Variants in EAF2 observed in about 807,000 individuals in gnomAD.
EAF2 encodes ELL-associated factor 2.
EAF2 carries 29 observed loss-of-function variants against 29.4 expected under a neutral mutation model. That is an observed-to-expected ratio of 0.99 (90% confidence interval 0.73 to 1.35). EAF2 has a LOEUF of 1.35. EAF2 is among the 40% of genes most tolerant of loss of function. EAF2 has a pLI of 0.00. For missense variants in EAF2, 292 were observed against 312.0 expected (o/e 0.94, Z 0.48); for synonymous variants, 103 against 102.5 (o/e 1.00, Z -0.03).
intron 2 of EAF2, among the ~76,000 whole-genome samples, chr3:121,848,203 GTA>G (rs960673488): frequency 2.6e-5 from 4 of 152,130 alleles, no homozygotes; most frequent in Non-Finnish European, 5.9e-5. Context: ...TCTGAGCAGT[GTA>G]TGTCAGGACT....
At chr3:121,883,269 C>A (rs557723969) in intron 5 of EAF2, among the ~76,000 whole-genome samples, 1 of 152,062 alleles carries the variant, frequency 6.6e-6, no homozygotes, top group African/African-American at 2.4e-5. Context: ...TAAAAAATTG[C>A]GTCTACAGCT....
intron 5 of EAF2, among the ~76,000 whole-genome samples, chr3:121,875,509 G>T (rs1709080755): frequency 6.6e-6 from 1 of 151,874 alleles, no homozygotes; most frequent in Non-Finnish European, 1.5e-5. Context: ...TGAGGATAGA[G>T]AAAAACAGAA....
intron 1 of EAF2, among the ~76,000 whole-genome samples, chr3:121,841,923 T>G (rs1708441671): frequency 6.6e-6 from 1 of 151,970 alleles, no homozygotes; most frequent in Non-Finnish European, 1.5e-5. Context: ...GAAGAATCGC[T>G]TGAACCCGGG....
chr3:121,882,232 C>T (rs569794925), intron 5 of EAF2, among the ~76,000 whole-genome samples: 3 of 151,876 alleles, frequency 2.0e-5, no homozygotes, highest in African/African-American at 7.2e-5. Flanking sequence ...ACCCATAATC[C>T]CAGCTACTCA....
intron 5 of EAF2, among the ~76,000 whole-genome samples, chr3:121,881,792 T>G (rs565674199): frequency 6.6e-6 from 1 of 152,154 alleles, no homozygotes; most frequent in Non-Finnish European, 1.5e-5. Flanking sequence ...ATTGCAGGTG[T>G]GAGCCAATGC....
chr3:121,874,303 G>A (rs1709062524), intron 5 of EAF2, among the ~76,000 whole-genome samples: 1 of 151,752 alleles, frequency 6.6e-6, no homozygotes, highest in Non-Finnish European at 1.5e-5. Context: ...GGGTTAATTA[G>A]GGACCAGCAA....
chr3:121,842,793 C>T (rs1381136881), intron 1 of EAF2, among the ~76,000 whole-genome samples: 1 of 152,132 alleles, frequency 6.6e-6, no homozygotes, highest in Non-Finnish European at 1.5e-5. Flanking sequence ...AAACTTATTT[C>T]CCTCAGTCCA....
chr3:121,856,619 C>T (rs952325767), intron 3 of EAF2, among the ~76,000 whole-genome samples: 10 of 152,140 alleles, frequency 6.6e-5, no homozygotes, highest in Non-Finnish European at 1.5e-4. Context: ...GCTGAGATTA[C>T]AGGTGTGCAT....
At position 121,853,269 on chromosome 3, in the gene EAF2, G is replaced by GT. The variant is rs147900099; in HGVS notation, c.202-1417dup. On this transcript the variant is annotated intron_variant, in intron 2 of 5. Coordinates refer to ENST00000273668, the MANE Select transcript of EAF2 (RefSeq NM_018456.6). ...ATACTTCGTCCATAGTCACAATTTT[G>GT]TGATGATCTCAAAAACGTGTTTTTT... Among the ~76,000 whole-genome samples the GT allele has an allele frequency of 8.6e-3, 1,316 of 152,198 alleles. 15 individuals are homozygous for GT. The highest frequency in any genetic ancestry group is 0.025 in the African/African-American group (1,019 of 41,540).
chr3:121,847,647 G>C lies in EAF2; in HGVS notation c.201+3100G>C, dbSNP rs572721466. On this transcript the variant is annotated intron_variant, in intron 2 of 5. Coordinates refer to ENST00000273668, the MANE Select transcript of EAF2 (RefSeq NM_018456.6). ...GTGAAAATGAAAGAGTTGGGGAGAG[G>C]GGGGGAGGAAGTATGCAAGGAGAAG... 1.2e-4 allele frequency among the ~76,000 whole-genome samples: 18 copies of C among 152,134 alleles called. No individual in the cohort carries two copies. In the South Asian group the frequency reaches 1.9e-3, roughly 16 times the overall value.
At chr3:121,857,180 TC>T in intron 4 of EAF2, 24 bp downstream of exon 4, 1 of 1,591,836 alleles carries the variant, frequency 6.3e-7, no homozygotes, top group Non-Finnish European at 8.6e-7. Flanking sequence ...ATATGTAACA[TC>T]CCTTTATAAG....
rs1239590935 is a variant in EAF2, at chr3:121,857,010, G to A, written c.339-1G>A. The A allele has an allele frequency of 2.5e-6, 4 of 1,606,858 alleles. No individual in the cohort carries two copies. The highest frequency in any genetic ancestry group is 3.4e-6 in the Non-Finnish European group (4 of 1,177,704). ...TCAATATTTGATATTCTTAATTGCA[G>A]AGTTGAAGGAAGCAGTAAAATTCAG... is the stretch of plus-strand genomic sequence containing the variant. On this transcript the variant is annotated splice_acceptor_variant, in intron 3 of 5. Transcript: ENST00000273668. LOFTEE classifies it high-confidence loss of function.
chr3:121,841,644 G>A (rs889259202), intron 1 of EAF2, among the ~76,000 whole-genome samples: 2 of 151,548 alleles, frequency 1.3e-5, no homozygotes, highest in East Asian at 3.9e-4. Flanking sequence ...AGGCTGAGGC[G>A]GGTGGAACAT....
intron 4 of EAF2, among the ~76,000 whole-genome samples, chr3:121,860,190 G>A (rs1427197922): frequency 1.3e-5 from 2 of 152,198 alleles, no homozygotes; most frequent in African/African-American, 4.8e-5. Flanking sequence ...CTCATCAAAT[G>A]AGTTAGGCAG....
At chr3:121,849,024 G>T (rs1420700184) in intron 2 of EAF2, among the ~76,000 whole-genome samples, 5 of 152,132 alleles carry the variant, frequency 3.3e-5, no homozygotes, top group Admixed American at 6.6e-5. Context: ...TTTGTGAGGG[G>T]TTTCCCCCTT....
chr3:121,840,521 ACG>A (rs1708398803), intron 1 of EAF2, among the ~76,000 whole-genome samples: 2 of 124,452 alleles, frequency 1.6e-5, no homozygotes, highest in East Asian at 2.3e-4. Context: ...AAAAAAAAAA[ACG>A]GGCCGGGTGC....
chr3:121,882,399 A>G (rs1709203713), intron 5 of EAF2, among the ~76,000 whole-genome samples: 1 of 152,030 alleles, frequency 6.6e-6, no homozygotes, highest in Non-Finnish European at 1.5e-5. Context: ...AAGGATGAAT[A>G]TAATAGGATT....
At chr3:121,883,685 A>G (rs1459403477) in intron 5 of EAF2, among the ~76,000 whole-genome samples, 1 of 152,248 alleles carries the variant, frequency 6.6e-6, no homozygotes, top group African/African-American at 2.4e-5. Flanking sequence ...CAACAGGACA[A>G]GCAACCCCTC....
intron 1 of EAF2, among the ~76,000 whole-genome samples, chr3:121,842,009 TA>T (rs961278801): frequency 2.2e-5 from 3 of 138,144 alleles, no homozygotes; most frequent in Admixed American, 7.2e-5. Context: ...GTCTCAAAAA[TA>T]AAAAAAAAAT....
Sources: allele counts gnomAD v4.1 joint callset (sites outside exome capture counted in the v4.1 genomes callset), GRCh38; gene constraint gnomAD v4.1.1; transcripts MANE v1.5; gene names NCBI Gene and HGNC (gene_info 2026-07-23, HGNC 2026-07-21).